TPRG1: variants seen among roughly 807,000 people sequenced by gnomAD.
TPRG1 encodes tumor protein p63-regulated gene 1 protein.
TPRG1 carries 29 observed loss-of-function variants against 29.3 expected under a neutral mutation model. The observed-to-expected ratio is 0.99, with a 90% CI of 0.74 to 1.35. The LOEUF (loss-of-function observed/expected upper bound fraction) is 1.35. Ranked by LOEUF, TPRG1 falls within the 40% of genes most tolerant of loss-of-function variation. The pLI is 0.00. For missense variants in TPRG1, 327 were observed against 335.0 expected, an observed-to-expected ratio of 0.98 and a Z score of 0.19; for synonymous variants, 130 against 116.8, an observed-to-expected ratio of 1.11 and a Z score of -0.73.
In TPRG1 at chr3:189,078,606, G is replaced by A. The variant is rs545723458; in HGVS notation, c.-462-48451G>A. Among the ~76,000 whole-genome samples the A allele has an allele frequency of 2.6e-5, 4 of 152,242 alleles. No homozygotes were observed. In the South Asian group the frequency reaches 8.3e-4, roughly 32 times the overall value. ...AGTCTAAATTGTTTTGTCTTATTAA[G>A]TACTGTAAGCTCTTTTCTCTTGTCA... On this transcript the variant is annotated intron_variant, in intron 4 of 10. Coordinates refer to the TPRG1 transcript ENST00000433971.
intron 4 of TPRG1, 144 bp downstream of exon 4, chr3:189,239,053 A>G (rs540032816): frequency 9.3e-6 from 6 of 645,370 alleles, no homozygotes; most frequent in East Asian, 5.8e-5. Context: ...TCATTAAACT[A>G]GAGTTCCTAC....
intron 4 of TPRG1, among the ~76,000 whole-genome samples, chr3:189,078,569 T>C (rs1302728409): frequency 6.6e-6 from 1 of 152,236 alleles, no homozygotes; most frequent in African/African-American, 2.4e-5. Flanking sequence ...TTCTTACCCA[T>C]AGCTAGACTG....
chr3:189,296,164 G>T (rs1257436516), intron 4 of TPRG1, among the ~76,000 whole-genome samples: 3 of 152,202 alleles, frequency 2.0e-5, no homozygotes, highest in African/African-American at 7.2e-5. Flanking sequence ...AGGAGAGTTT[G>T]TTCTCTGCCT....
At chr3:189,024,573 G>T (rs1713555425) in intron 4 of TPRG1, among the ~76,000 whole-genome samples, 2 of 152,308 alleles carry the variant, frequency 1.3e-5, no homozygotes. Context: ...CTGTGCTGGG[G>T]GGTTTCTTCC....
At chr3:189,159,428 A>G (rs557861659) in intron 5 of TPRG1, among the ~76,000 whole-genome samples, 5 of 152,262 alleles carry the variant, frequency 3.3e-5, no homozygotes, top group East Asian at 1.9e-4. Context: ...AAGATAATAG[A>G]GACGGAGAAT....
At chr3:189,089,036 C>A (rs750263266) in intron 4 of TPRG1, among the ~76,000 whole-genome samples, 8 of 151,622 alleles carry the variant, frequency 5.3e-5, no homozygotes, top group Non-Finnish European at 8.8e-5. Flanking sequence ...TCTATTAATA[C>A]CTTTTTACAA....
At chr3:189,063,316 T>C (rs891455734) in intron 4 of TPRG1, among the ~76,000 whole-genome samples, 2 of 152,124 alleles carry the variant, frequency 1.3e-5, no homozygotes, top group South Asian at 2.1e-4. Flanking sequence ...AATTCAGTAC[T>C]TCAGCATTAC....
intron 1 of TPRG1, among the ~76,000 whole-genome samples, chr3:189,201,060 C>T (rs1056339893): frequency 6.6e-6 from 1 of 152,178 alleles, no homozygotes. Flanking sequence ...ATGTTAAAGG[C>T]ACCATCTTGA....
At chr3:189,017,422 T>C (rs2152123798) in intron 3 of TPRG1, among the ~76,000 whole-genome samples, 1 of 152,100 alleles carries the variant, frequency 6.6e-6, no homozygotes, top group South Asian at 2.1e-4. Flanking sequence ...ATGTTCCCCT[T>C]CCTGTGTCCA....
At chr3:189,032,593 TTC>T (rs561678036) in intron 4 of TPRG1, among the ~76,000 whole-genome samples, 1,803 of 147,814 alleles carry the variant, frequency 0.012, 25 homozygotes, top group African/African-American at 0.046. Flanking sequence ...TCCTTTTTTT[TTC>T]TTTTTTTTTA....
chr3:189,280,402 A>G (rs1716923257), intron 4 of TPRG1, among the ~76,000 whole-genome samples: 1 of 152,182 alleles, frequency 6.6e-6, no homozygotes, highest in Non-Finnish European at 1.5e-5. Flanking sequence ...TGTTTTTTGT[A>G]AGTATGAGTG....
chr3:189,059,649 A>G (rs924751939), intron 4 of TPRG1, among the ~76,000 whole-genome samples: 5 of 152,076 alleles, frequency 3.3e-5, no homozygotes, highest in African/African-American at 1.2e-4. Context: ...AAGGTCTGTG[A>G]GATAGTCAAT....
At chr3:189,141,013 T>A (rs1388365679) in intron 3 of TPRG1, among the ~76,000 whole-genome samples, 2 of 152,188 alleles carry the variant, frequency 1.3e-5, no homozygotes, top group Non-Finnish European at 2.9e-5. Context: ...AGTGGACCTA[T>A]TTGCACACAA....
intron 5 of TPRG1, among the ~76,000 whole-genome samples, chr3:189,153,188 G>A (rs1726196668): frequency 1.3e-5 from 2 of 152,216 alleles, no homozygotes; most frequent in Admixed American, 6.5e-5. Context: ...TATGTATTGA[G>A]CACTGTTTCA....
rs1484402924 is a variant in TPRG1, at chr3:189,323,446, A to G, written c.*2626A>G. On this transcript the variant is annotated 3_prime_UTR_variant, in exon 6 of 6. Transcript: ENST00000345063. ...GATCTTGTGAGGATTCAATGAAATG[A>G]GGTTAAATTCTTTTATTAAACAGAA... The G allele has an allele frequency of 6.6e-6, 1 of 152,138 alleles. No individual in the cohort carries two copies. The highest frequency in any genetic ancestry group is 1.5e-5 in the Non-Finnish European group (1 of 68,024). 9.4% of individuals were successfully genotyped at this position (152,138 alleles called of 1,614,324 possible).
At chr3:189,179,614 T>C (rs746341450) in intron 1 of TPRG1, among the ~76,000 whole-genome samples, 2 of 152,108 alleles carry the variant, frequency 1.3e-5, no homozygotes, top group Non-Finnish European at 2.9e-5. Context: ...GATCTGACTC[T>C]TTCACAGACA....
chr3:189,154,078 T>C (rs1044071986), intron 5 of TPRG1, among the ~76,000 whole-genome samples: 8 of 152,084 alleles, frequency 5.3e-5, no homozygotes, highest in African/African-American at 1.9e-4. Context: ...TTAGCATGCT[T>C]TAAATGGAGA....
chr3:189,117,110 C>T (rs1201816457), intron 1 of TPRG1, among the ~76,000 whole-genome samples: 1 of 152,122 alleles, frequency 6.6e-6, no homozygotes, highest in Non-Finnish European at 1.5e-5. Flanking sequence ...ACTTCCTTTA[C>T]CTGAGCCAAA....
intron 2 of TPRG1, among the ~76,000 whole-genome samples, chr3:189,214,025 A>G (rs1735669676): frequency 6.6e-6 from 1 of 152,192 alleles, no homozygotes; most frequent in African/African-American, 2.4e-5. Context: ...ATATATGCAA[A>G]AATTTCTTTA....
Sources: gnomAD v4.1 joint callset for allele counts (sites outside exome capture counted in the v4.1 genomes callset) on GRCh38, gnomAD v4.1.1 for gene constraint, MANE v1.5 for transcripts, NCBI Gene and HGNC (gene_info 2026-07-23, HGNC 2026-07-21) for gene names.